Variants in MSRA observed in about 807,000 individuals in gnomAD.
MSRA encodes the protein mitochondrial peptide methionine sulfoxide reductase.
A neutral mutation model predicts 31.3 loss-of-function variants in MSRA; 54 were observed. The observed-to-expected ratio is 1.73, with a 90% confidence interval of 1.39 to 2.17. The LOEUF (loss-of-function observed/expected upper bound fraction) is 2.17, where lower values mean the gene tolerates loss of function less well. Among genes scored for constraint, MSRA ranks in the 30% most tolerant of loss-of-function variants. The pLI is 0.00. For missense variants in MSRA, 507 were observed against 300.9 expected, an observed-to-expected ratio of 1.69 and a Z score of -5.07; for synonymous variants, 169 against 116.5, an observed-to-expected ratio of 1.45 and a Z score of -2.90.
chr8:10,128,070 A>G lies in MSRA; in HGVS notation c.142+73412A>G, dbSNP rs995465305. 2.6e-5 allele frequency among the ~76,000 whole-genome samples: 4 copies of G among 152,080 alleles called. No individual in the cohort carries two copies. In the South Asian group the frequency reaches 8.3e-4, roughly 32 times the overall value. Reference sequence around the variant, plus strand: ...TCTCTGTGTCTCCTTCTATTTTTCAAGAGACCTTTAAAAAGTTTCTGTCTA... The same window carrying G: ...TCTCTGTGTCTCCTTCTATTTTTCAGGAGACCTTTAAAAAGTTTCTGTCTA... On this transcript the variant is annotated intron_variant, in intron 1 of 5. Transcript: ENST00000317173.
chr8:10,404,243 C>T (rs886868217), intron 5 of MSRA, among the ~76,000 whole-genome samples: 1 of 152,136 alleles, frequency 6.6e-6, no homozygotes, highest in African/African-American at 2.4e-5. Context: ...AATAGCAAGG[C>T]AGGGACCTTC....
At chr8:10,147,478 G>A (rs924160351) in intron 1 of MSRA, among the ~76,000 whole-genome samples, 1 of 152,170 alleles carries the variant, frequency 6.6e-6, no homozygotes, top group African/African-American at 2.4e-5. Context: ...TGTGGTCCAG[G>A]AATGAGTGAA....
chr8:10,147,397 C>A (rs1226242519), intron 1 of MSRA, among the ~76,000 whole-genome samples: 1 of 152,170 alleles, frequency 6.6e-6, no homozygotes, highest in Non-Finnish European at 1.5e-5. Context: ...GGCCTCAGAC[C>A]TTCACCACGT....
chr8:10,406,081 G>A (rs570543227), intron 5 of MSRA, among the ~76,000 whole-genome samples: 2 of 152,230 alleles, frequency 1.3e-5, no homozygotes, highest in African/African-American at 4.8e-5. Context: ...GGGAACTAAA[G>A]AGTTTATTTC....
chr8:10,381,214 C>T (rs1236418888), intron 5 of MSRA, among the ~76,000 whole-genome samples: 1 of 152,120 alleles, frequency 6.6e-6, no homozygotes, highest in African/African-American at 2.4e-5. Flanking sequence ...TTTCTTCTTC[C>T]CACCACCCAC....
intron 5 of MSRA, among the ~76,000 whole-genome samples, chr8:10,406,070 T>A (rs866194044): frequency 2.0e-5 from 3 of 152,230 alleles, no homozygotes; most frequent in Non-Finnish European, 2.9e-5. Flanking sequence ...AACCCATTAG[T>A]GGGAACTAAA....
chr8:10,062,834 T>A (rs1797276362), intron 1 of MSRA, among the ~76,000 whole-genome samples: 2 of 152,200 alleles, frequency 1.3e-5, no homozygotes, highest in South Asian at 4.1e-4. Flanking sequence ...TAGGAGTGGA[T>A]CGTGTTAGCT....
intron 3 of MSRA, among the ~76,000 whole-genome samples, chr8:10,293,435 C>A (rs151240261): frequency 6.6e-6 from 1 of 152,210 alleles, no homozygotes; most frequent in Non-Finnish European, 1.5e-5. Flanking sequence ...TCCCGGTATG[C>A]GTGTGACTGC....
In MSRA at chr8:10,113,292, C is replaced by CTTTT. The variant is rs10665004; in HGVS notation, c.142+58653_142+58656dup. Among the ~76,000 whole-genome samples the CTTTT allele has an allele frequency of 8.3e-4, 48 of 57,576 alleles. 2 individuals are homozygous for CTTTT. Among genetic ancestry groups the CTTTT allele is most frequent in the African/African-American group, 3.0e-3 (38 of 12,754 alleles). 37.8% of individuals were successfully genotyped at this position (57,576 alleles called of 152,430 possible). ...CATGGCTTTGGTGAAGACAGGTCTT[C>CTTTT]TTTTTTTTTTTTTTTTTTTTTTGGA... is the stretch of plus-strand genomic sequence containing the variant. On this transcript the variant is annotated intron_variant, in intron 1 of 5. Transcript: ENST00000317173.
At chr8:10,149,529 C>T (rs920460955) in intron 1 of MSRA, among the ~76,000 whole-genome samples, 6 of 152,128 alleles carry the variant, frequency 3.9e-5, no homozygotes, top group African/African-American at 7.2e-5. Flanking sequence ...CAACTTACAT[C>T]GCCACCTCGT....
At chr8:10,371,146 C>G (rs1266241662) in intron 5 of MSRA, among the ~76,000 whole-genome samples, 1 of 152,184 alleles carries the variant, frequency 6.6e-6, no homozygotes, top group Admixed American at 6.5e-5. Flanking sequence ...TAGGGAAAAG[C>G]TTAATTCTTT....
At chr8:10,417,137 A>G (rs1808509232) in intron 5 of MSRA, among the ~76,000 whole-genome samples, 1 of 152,180 alleles carries the variant, frequency 6.6e-6, no homozygotes, top group African/African-American at 2.4e-5. Flanking sequence ...TAATGGACCA[A>G]GTTAGATCTA....
intron 1 of MSRA, among the ~76,000 whole-genome samples, chr8:10,108,793 G>T (rs1329933257): frequency 6.8e-6 from 1 of 148,074 alleles, no homozygotes; most frequent in African/African-American, 2.5e-5. Context: ...GTTGTCAAAT[G>T]AGTTGTTGGG....
intron 1 of MSRA, among the ~76,000 whole-genome samples, chr8:10,203,828 T>A (rs1413158879): frequency 3.3e-5 from 5 of 152,242 alleles, no homozygotes; most frequent in Admixed American, 2.6e-4. Context: ...CCAAGCGTGT[T>A]ATTGCCTCTA....
At chr8:10,229,472 TA>T (rs1201837362) in intron 2 of MSRA, among the ~76,000 whole-genome samples, 1 of 152,114 alleles carries the variant, frequency 6.6e-6, no homozygotes, top group Non-Finnish European at 1.5e-5. Context: ...TCTGAGGCTG[TA>T]CCACAGCATG....
chr8:10,261,116 T>C (rs1798456390), intron 3 of MSRA, among the ~76,000 whole-genome samples: 1 of 152,196 alleles, frequency 6.6e-6, no homozygotes, highest in Admixed American at 6.5e-5. Flanking sequence ...TTTAGGTTGC[T>C]GTAATAGTGT....
chr8:10,153,947 G>C (rs1308475179), intron 1 of MSRA, among the ~76,000 whole-genome samples: 2 of 152,068 alleles, frequency 1.3e-5, no homozygotes, highest in African/African-American at 4.8e-5. Flanking sequence ...AAACATAATG[G>C]TGTATTTGAC....
At chr8:10,392,888 TGCAA>T (rs1183360710) in intron 5 of MSRA, among the ~76,000 whole-genome samples, 9 of 8,378 alleles carry the variant, frequency 1.1e-3, no homozygotes, top group Non-Finnish European at 1.9e-3. Context: ...CTACTAAAAA[TGCAA>T]AAAAAAAAAA....
intron 2 of MSRA, among the ~76,000 whole-genome samples, chr8:10,240,474 G>T (rs1464023997): frequency 6.6e-6 from 1 of 152,202 alleles, no homozygotes; most frequent in East Asian, 1.9e-4. Flanking sequence ...CTTTGTGGAT[G>T]AGTGCCTCTT....
Sources: allele counts gnomAD v4.1 joint callset (sites outside exome capture counted in the v4.1 genomes callset), GRCh38; gene constraint gnomAD v4.1.1; transcripts MANE v1.5; gene names NCBI Gene and HGNC (gene_info 2026-07-23, HGNC 2026-07-21).